Variants in LARP4B observed in about 807,000 individuals in gnomAD.
The protein encoded by LARP4B is la-related protein 4B.
A neutral mutation model predicts 89.8 loss-of-function variants in LARP4B; 12 were observed. The ratio of observed to expected loss-of-function variants is 0.13; its 90% CI spans 0.09 to 0.22. The LOEUF (loss-of-function observed/expected upper bound fraction) is 0.22. Ranked by LOEUF, LARP4B falls within the 10% of genes least tolerant of loss-of-function variation. The probability of loss-of-function intolerance (pLI) is 1.00; values close to 1 mark genes in which losing one functional copy is unlikely to be tolerated. For synonymous variants in LARP4B, 367 were observed against 363.3 expected, an observed-to-expected ratio of 1.01 and a Z score of -0.12; for missense variants, 757 against 947.7, an observed-to-expected ratio of 0.80 and a Z score of 2.64.
chr10:829,559 T>A lies in LARP4B; in HGVS notation c.951A>T (p.Thr317=). Residue 317 remains threonine (T), a synonymous_variant, in exon 11 of 18, where the codon ACA becomes ACT. Transcript: ENST00000316157. ...GTCTAAATCCATTCTTTGGCAAAAA[T>A]GTGTTTATAGCTATTGCCTTTGCTT... The part of the protein sequence containing the change: ...RIKAKAIAIN[T]FLPKNGFRPL... 1 of 1,614,158 alleles carries A rather than the reference T, an allele frequency of 6.2e-7. No homozygotes were observed. Among genetic ancestry groups the A allele is most frequent in the Non-Finnish European group, 8.5e-7 (1 of 1,180,024 alleles).
intron 1 of LARP4B, among the ~76,000 whole-genome samples, chr10:913,242 A>T (rs182043016): frequency 8.5e-4 from 130 of 152,312 alleles, no homozygotes; most frequent in African/African-American, 2.9e-3. Flanking sequence ...GAGGGGGGGA[A>T]TTATTTTCAC....
chr10:900,420 C>CTTGTTTTTTTTTTT (rs1836306176), intron 1 of LARP4B, among the ~76,000 whole-genome samples: 1 of 45,230 alleles, frequency 2.2e-5, no homozygotes, highest in Non-Finnish European at 3.8e-5. Flanking sequence ...AGAAGGATGT[C>CTTGTTTTTTTTTTT]TTTTTTTTTT....
In LARP4B at chr10:843,117, G is replaced by T. The variant is rs1461804896; in HGVS notation, c.510-49C>A. The T allele has an allele frequency of 3.2e-6, 5 of 1,540,880 alleles. No individual in the cohort carries two copies. The South Asian group carries it at 4.6e-5, about 14-fold the overall frequency. On this transcript the variant is annotated intron_variant, in intron 6 of 17. Coordinates refer to ENST00000316157, the MANE Select transcript of LARP4B (RefSeq NM_015155.3). Reference sequence around the variant, plus strand: ...TTAATCAGTATTTCTTTAAAAGGAAGTTTCACCTACTGTAATTCCAGTTTC... The same window carrying T: ...TTAATCAGTATTTCTTTAAAAGGAATTTTCACCTACTGTAATTCCAGTTTC...
At chr10:884,700 A>G (rs1835797924) in intron 2 of LARP4B, among the ~76,000 whole-genome samples, 194 bp from the exon 3 acceptor site, 1 of 152,204 alleles carries the variant, frequency 6.6e-6, no homozygotes, top group African/African-American at 2.4e-5. Flanking sequence ...TCATAGATAA[A>G]GTTCTTTGTA....
chr10:839,566 T>C (rs929810355), intron 7 of LARP4B, among the ~76,000 whole-genome samples: 13 of 152,214 alleles, frequency 8.5e-5, no homozygotes, highest in African/African-American at 2.4e-4. Context: ...CATTAATCAT[T>C]AGAGAAACAG....
intron 1 of LARP4B, among the ~76,000 whole-genome samples, chr10:895,882 A>C (rs1836175106): frequency 6.6e-6 from 1 of 152,190 alleles, no homozygotes. Flanking sequence ...TGTGTGATTA[A>C]CTTATTGACT....
At chr10:954,901 G>C in the LARP4B span, among the ~76,000 whole-genome samples, 1 of 2,138 alleles carries the variant, frequency 4.7e-4, no homozygotes. The surrounding 1 kb of genome is among the most constrained non-coding windows in gnomAD (Gnocchi z 5.0). Flanking sequence ...TCCCATCCAC[G>C]CTTCCCCAGG....
chr10:871,002 C>G (rs923211328), intron 3 of LARP4B, among the ~76,000 whole-genome samples: 1 of 152,222 alleles, frequency 6.6e-6, no homozygotes, highest in Non-Finnish European at 1.5e-5. Context: ...CTAGAACTAA[C>G]ACAGGAGAGT....
At chr10:962,328 A>T in the LARP4B span, among the ~76,000 whole-genome samples, 1 of 151,384 alleles carries the variant, frequency 6.6e-6, no homozygotes, top group Non-Finnish European at 1.5e-5. Flanking sequence ...AAAGAATACC[A>T]ATCCTTTTGG....
chr10:957,789 T>A, the LARP4B span, among the ~76,000 whole-genome samples: 1 of 149,804 alleles, frequency 6.7e-6, no homozygotes, highest in Non-Finnish European at 1.5e-5. Context: ...CCTTTTCAAT[T>A]CATTTTCTTT....
intron 8 of LARP4B, among the ~76,000 whole-genome samples, chr10:833,782 G>A (rs1406744253): frequency 2.0e-5 from 3 of 151,826 alleles, no homozygotes; most frequent in Non-Finnish European, 4.4e-5. Context: ...CTAGCTACTC[G>A]GGAGGCTGAG....
chr10:951,669 C>T, the LARP4B span, among the ~76,000 whole-genome samples: 2 of 152,266 alleles, frequency 1.3e-5, no homozygotes, highest in East Asian at 1.9e-4. Flanking sequence ...CATCCCAGGA[C>T]GAGAAGAGGC....
At chr10:893,407 T>A (rs146869409) in intron 1 of LARP4B, among the ~76,000 whole-genome samples, 2 of 152,202 alleles carry the variant, frequency 1.3e-5, no homozygotes, top group African/African-American at 4.8e-5. Flanking sequence ...AAAGGAGATA[T>A]GAATACAAAA....
intron 3 of LARP4B, among the ~76,000 whole-genome samples, chr10:867,862 G>GAAAA (rs903762145): frequency 6.9e-5 from 3 of 43,382 alleles, no homozygotes; most frequent in African/African-American, 9.1e-5. Flanking sequence ...CTCCATCCTT[G>GAAAA]AAAAAAAAAA....
intron 8 of LARP4B, among the ~76,000 whole-genome samples, chr10:835,351 G>A (rs1002713095): frequency 7.2e-5 from 11 of 152,140 alleles, no homozygotes; most frequent in African/African-American, 2.2e-4. Context: ...AGCCTGAACC[G>A]CAACGTCCAT....
chr10:881,392 G>A (rs1835661246), intron 3 of LARP4B, among the ~76,000 whole-genome samples: 1 of 152,044 alleles, frequency 6.6e-6, no homozygotes, highest in African/African-American at 2.4e-5. Flanking sequence ...ATCAGTCCTG[G>A]GAAATACTCT....
At chr10:816,824 T>C (rs1391123323) in intron 15 of LARP4B, among the ~76,000 whole-genome samples, 1 of 152,154 alleles carries the variant, frequency 6.6e-6, no homozygotes, top group African/African-American at 2.4e-5. Context: ...AGATACTGCA[T>C]CAAAATCCAC....
At chr10:931,294 C>CGGCCCCGGCCCA (rs1435527815) in intron 1 of LARP4B, 134 bp downstream of exon 1, 2 of 148,960 alleles carry the variant, frequency 1.3e-5, no homozygotes, top group Middle Eastern at 3.1e-3. Context: ...GCCCCGGCCC[C>CGGCCCCGGCCCA]GGCCCCGGCC....
At chr10:838,199 T>C (rs561861422) in intron 7 of LARP4B, among the ~76,000 whole-genome samples, 17 of 152,182 alleles carry the variant, frequency 1.1e-4, no homozygotes, top group African/African-American at 3.4e-4. Flanking sequence ...CTAGAAAACA[T>C]AGGAGAAAAT....
Sources: gnomAD v4.1 joint callset for allele counts (sites outside exome capture counted in the v4.1 genomes callset) on GRCh38, gnomAD v4.1.1 for gene constraint, Gnocchi (gnomAD v3.1) non-coding constraint, MANE v1.5 for transcripts, NCBI Gene and HGNC (gene_info 2026-07-23, HGNC 2026-07-21) for gene names.